Variants in ARFIP1 observed in about 807,000 individuals in gnomAD.
ARFIP1 encodes ARF interacting protein 1.
A neutral mutation model predicts 42.5 loss-of-function variants in ARFIP1; 24 were observed. The observed-to-expected ratio is 0.57, with a 90% CI of 0.41 to 0.80. The LOEUF (loss-of-function observed/expected upper bound fraction) is 0.80. ARFIP1 is among the 30% of genes least tolerant of loss of function. The pLI is 0.00. For missense variants in ARFIP1, 354 were observed against 434.0 expected, an observed-to-expected ratio of 0.82 and a Z score of 1.64; for synonymous variants, 141 against 153.7, an observed-to-expected ratio of 0.92 and a Z score of 0.61.
chr4:152,883,257 A>G (rs1295346281), intron 7 of ARFIP1: 1 of 193,714 alleles, frequency 5.2e-6, no homozygotes, highest in African/African-American at 2.4e-5. Flanking sequence ...TGAGTAGGGA[A>G]ATGGAGGATC....
chr4:152,864,946 A>G (rs1734202887), intron 3 of ARFIP1, among the ~76,000 whole-genome samples: 1 of 146,976 alleles, frequency 6.8e-6, no homozygotes, highest in South Asian at 2.1e-4. Context: ...TACTCGAGTG[A>G]AAGTAAAGCC....
intron 1 of ARFIP1, among the ~76,000 whole-genome samples, chr4:152,826,960 C>T (rs1262421201): frequency 9.2e-5 from 14 of 152,178 alleles, no homozygotes. Context: ...ATTCCACTTA[C>T]CTAGAGTAGT....
chr4:152,850,481 G>T (rs1449412925), intron 2 of ARFIP1, among the ~76,000 whole-genome samples: 1 of 152,104 alleles, frequency 6.6e-6, no homozygotes, highest in Non-Finnish European at 1.5e-5. Flanking sequence ...GACGAGGGCA[G>T]TGAGGAAGGT....
chr4:152,884,652 C>T (rs1736122653), intron 7 of ARFIP1, among the ~76,000 whole-genome samples: 1 of 151,962 alleles, frequency 6.6e-6, no homozygotes, highest in African/African-American at 2.4e-5. Context: ...ATCTCTTTCC[C>T]TTCAGCTTTT....
intron 3 of ARFIP1, 74 bp downstream of exon 3, chr4:152,863,788 A>C (rs1734087092): frequency 1.1e-6 from 1 of 913,290 alleles, no homozygotes; most frequent in Admixed American, 2.1e-5. Flanking sequence ...ACCTTTATTA[A>C]TAAAGCACAA....
intron 1 of ARFIP1, among the ~76,000 whole-genome samples, chr4:152,801,808 A>G (rs1728444960): frequency 2.0e-5 from 3 of 152,190 alleles, no homozygotes; most frequent in South Asian, 4.1e-4. Context: ...TTGAGCTGAA[A>G]TCAGTGTGCT....
chr4:152,794,551 A>G (rs973761579), intron 1 of ARFIP1, among the ~76,000 whole-genome samples: 15 of 152,178 alleles, frequency 9.9e-5, no homozygotes, highest in African/African-American at 3.6e-4. Flanking sequence ...CTGTGAAGTT[A>G]CTATCTTTCC....
chr4:152,838,001 C>G (rs1731787673), intron 2 of ARFIP1, among the ~76,000 whole-genome samples: 1 of 152,182 alleles, frequency 6.6e-6, no homozygotes, highest in South Asian at 2.1e-4. Flanking sequence ...AAGTGACTAG[C>G]CAATTATCCC....
intron 8 of ARFIP1, among the ~76,000 whole-genome samples, chr4:152,894,035 T>C (rs928642383): frequency 6.6e-6 from 1 of 151,954 alleles, no homozygotes; most frequent in African/African-American, 2.4e-5. Flanking sequence ...CTGGCCAACA[T>C]GGTGAAACCT....
chr4:152,786,404 T>C (rs889365182), intron 1 of ARFIP1, among the ~76,000 whole-genome samples: 2 of 152,238 alleles, frequency 1.3e-5, no homozygotes, highest in Admixed American at 1.3e-4. Flanking sequence ...CACAATTATC[T>C]TTTCATTGTA....
intron 1 of ARFIP1, chr4:152,795,971 G>T: frequency 8.6e-6 from 4 of 466,198 alleles, no homozygotes; most frequent in Non-Finnish European, 1.2e-5. Flanking sequence ...TTGCAGACAG[G>T]TATAGCTGTT....
chr4:152,795,707 T>C (rs1731403532), intron 1 of ARFIP1, among the ~76,000 whole-genome samples: 1 of 152,104 alleles, frequency 6.6e-6, no homozygotes, highest in South Asian at 2.1e-4. Context: ...TTTTGTCATA[T>C]TTTAAAATTT....
At chr4:152,794,089 C>T (rs941922396) in intron 1 of ARFIP1, among the ~76,000 whole-genome samples, 1 of 152,126 alleles carries the variant, frequency 6.6e-6, no homozygotes, top group East Asian at 1.9e-4. Flanking sequence ...TTCCTCACCC[C>T]ATTTCCCCTA....
At chr4:152,878,123 T>C (rs1735521520) in intron 5 of ARFIP1, among the ~76,000 whole-genome samples, 1 of 152,230 alleles carries the variant, frequency 6.6e-6, no homozygotes, top group African/African-American at 2.4e-5. Flanking sequence ...AAGTAGAGAA[T>C]CTACATAGGT....
At chr4:152,867,433 C>G (rs532969442) in intron 3 of ARFIP1, among the ~76,000 whole-genome samples, 1 of 151,634 alleles carries the variant, frequency 6.6e-6, no homozygotes, top group South Asian at 2.1e-4. Context: ...TGCAGTGAGC[C>G]GAGATGGCAG....
chr4:152,877,404 T>G (rs778799922), intron 5 of ARFIP1, among the ~76,000 whole-genome samples: 2 of 152,186 alleles, frequency 1.3e-5, no homozygotes, highest in African/African-American at 4.8e-5. Flanking sequence ...CCCCTTTGTT[T>G]TGGCCAATTT....
intron 1 of ARFIP1, among the ~76,000 whole-genome samples, chr4:152,802,887 T>C (rs6535875): frequency 0.96 from 146,585 of 152,280 alleles, 70,605 homozygotes; most frequent in Non-Finnish European, 0.98. Context: ...AATGTAAAGC[T>C]ATTTATGTTA....
chr4:152,847,125 T>TTTTTTTTTTTTTA (rs1732613305), intron 2 of ARFIP1, among the ~76,000 whole-genome samples: 1 of 70,634 alleles, frequency 1.4e-5, no homozygotes, highest in Non-Finnish European at 2.6e-5. Flanking sequence ...AGGTTTGTTC[T>TTTTTTTTTTTTTA]TTTTTTTTTT....
At chr4:152,850,227 A>C (rs1471737211) in intron 2 of ARFIP1, among the ~76,000 whole-genome samples, 1 of 152,146 alleles carries the variant, frequency 6.6e-6, no homozygotes, top group Non-Finnish European at 1.5e-5. Flanking sequence ...ACATTAGTGG[A>C]CTGTATTTTT....
Sources: gnomAD v4.1 joint callset for allele counts (sites outside exome capture counted in the v4.1 genomes callset) on GRCh38, gnomAD v4.1.1 for gene constraint, MANE v1.5 for transcripts, NCBI Gene and HGNC (gene_info 2026-07-23, HGNC 2026-07-21) for gene names.